VTCN1: variants seen among roughly 807,000 people sequenced by gnomAD.
VTCN1 encodes the protein V-set domain-containing T-cell activation inhibitor 1.
A neutral mutation model predicts 26.5 loss-of-function variants in VTCN1; 26 were observed. That is an observed-to-expected ratio of 0.98 (90% confidence interval 0.72 to 1.36). VTCN1 has a LOEUF of 1.36. VTCN1 is among the 40% of genes most tolerant of loss of function. The pLI is 0.00. For synonymous variants in VTCN1, 116 were observed against 130.7 expected (o/e 0.89, Z 0.77); for missense variants, 298 against 337.7 (o/e 0.88, Z 0.92).
intron 1 of VTCN1, among the ~76,000 whole-genome samples, chr1:117,207,027 G>A (rs1380104973): frequency 6.6e-6 from 1 of 152,112 alleles, no homozygotes; most frequent in African/African-American, 2.4e-5. Context: ...CTCAGCCCAG[G>A]CTCAAGCAAG....
intron 1 of VTCN1, among the ~76,000 whole-genome samples, chr1:117,190,631 A>G (rs1331497373): frequency 6.6e-6 from 1 of 152,182 alleles, no homozygotes; most frequent in Non-Finnish European, 1.5e-5. Context: ...CAGGATCCAT[A>G]TCTGCCCAAG....
chr1:117,201,625 C>T (rs1460273368), intron 1 of VTCN1, among the ~76,000 whole-genome samples: 1 of 152,142 alleles, frequency 6.6e-6, no homozygotes, highest in East Asian at 1.9e-4. Context: ...GAGATATAGC[C>T]CCTTTATGGG....
At position 117,146,947 on chromosome 1, in the gene VTCN1, G is replaced by C. The variant is rs1651543133; in HGVS notation, c.*45+666C>G. Among the ~76,000 whole-genome samples the C allele has an allele frequency of 6.6e-6, 1 of 152,186 alleles. No individual in the cohort carries two copies. The highest frequency in any genetic ancestry group is 2.1e-4 in the South Asian group (1 of 4,834). ...TCTGAGAGGCAACACAGGGGAAAAT[G>C]TGATAGGTAGGGGTTGATAAGAAAT... On this transcript the variant is annotated intron_variant, in intron 5 of 5. Coordinates refer to ENST00000369458, the MANE Select transcript of VTCN1 (RefSeq NM_024626.4). This position sits in a 1 kb window ranked among gnomAD's most constrained non-coding sequence, Gnocchi z 4.2.
chr1:117,173,002 C>G (rs1380752592), intron 1 of VTCN1, among the ~76,000 whole-genome samples: 1 of 152,186 alleles, frequency 6.6e-6, no homozygotes, highest in African/African-American at 2.4e-5. Context: ...TTCTTTCGCT[C>G]TTCACAGTAA....
chr1:117,188,727 C>T (rs941265397), intron 1 of VTCN1, among the ~76,000 whole-genome samples: 1 of 152,156 alleles, frequency 6.6e-6, no homozygotes, highest in African/African-American at 2.4e-5. Flanking sequence ...CACAGCCCAG[C>T]TGCATGGCAG....
chr1:117,162,000 C>T lies in VTCN1; in HGVS notation c.98-5079G>A, dbSNP rs1426575872. Among the ~76,000 whole-genome samples the T allele has an allele frequency of 6.6e-6, 1 of 152,144 alleles. No homozygotes were observed. Among genetic ancestry groups the T allele is most frequent in the Non-Finnish European group, 1.5e-5 (1 of 68,018 alleles). On this transcript the variant is annotated intron_variant, in intron 2 of 5. Transcript: ENST00000369458. This position sits in a 1 kb window ranked among gnomAD's most constrained non-coding sequence, Gnocchi z 4.3. ...TTTTAATATGTTGGCCTTGAGCTCA[C>T]AGTTAGGGAATCCGTTGAAATATCT...
chr1:117,196,058 G>C (rs1648492377), intron 1 of VTCN1, among the ~76,000 whole-genome samples: 1 of 152,186 alleles, frequency 6.6e-6, no homozygotes, highest in East Asian at 1.9e-4. Context: ...AGGGTGAAGT[G>C]GGAGGATCAC....
At chr1:117,205,608 T>C (rs773949299) in intron 1 of VTCN1, among the ~76,000 whole-genome samples, 2 of 152,198 alleles carry the variant, frequency 1.3e-5, no homozygotes, top group African/African-American at 4.8e-5. Context: ...TAAGAATTCT[T>C]CTGCCATGAC....
chr1:117,180,433 T>C (rs371787769), intron 1 of VTCN1, among the ~76,000 whole-genome samples: 5 of 152,128 alleles, frequency 3.3e-5, no homozygotes, highest in African/African-American at 1.2e-4. Flanking sequence ...TGTTTCCTGC[T>C]CCTCCTTATT....
chr1:117,185,753 T>C (rs903001024), intron 1 of VTCN1, among the ~76,000 whole-genome samples: 7 of 152,046 alleles, frequency 4.6e-5, no homozygotes, highest in Non-Finnish European at 1.0e-4. Flanking sequence ...TAGAAATTCC[T>C]TTCTATTGAT....
Position 117,147,602 on chromosome 1 carries a change from A to G in VTCN1, c.*45+11T>C, listed in dbSNP as rs951992402. ...GAACCAATATCCCACACTATTTGTG[A>G]TTAATCTCACCTGTTGTAACAATGA... On this transcript the variant is annotated intron_variant, in intron 5 of 5. Transcript: ENST00000369458. The surrounding 1 kb of genome is among the most constrained non-coding windows in gnomAD (Gnocchi z 4.6). 7.5e-6 allele frequency: 12 copies of G among 1,599,086 alleles called. No homozygotes were observed. In the African/African-American group the frequency reaches 1.2e-4, roughly 16 times the overall value.
chr1:117,146,016 C>A lies in VTCN1; in HGVS notation c.*46-791G>T, dbSNP rs1046400577. Among the ~76,000 whole-genome samples the A allele has an allele frequency of 6.6e-6, 1 of 152,160 alleles. No individual in the cohort carries two copies. Among genetic ancestry groups the A allele is most frequent in the Non-Finnish European group, 1.5e-5 (1 of 68,032 alleles). Reference sequence around the variant, plus strand: ...GGAGAAAGAGGTGGACTGCAGCTAACTGGGTAATTGTATATAAGCCTACGT... The same window carrying A: ...GGAGAAAGAGGTGGACTGCAGCTAAATGGGTAATTGTATATAAGCCTACGT... On this transcript the variant is annotated intron_variant, in intron 5 of 5. Transcript: ENST00000369458. This position sits in a 1 kb window ranked among gnomAD's most constrained non-coding sequence, Gnocchi z 4.2.
At chr1:117,186,274 T>C (rs1412411756) in intron 1 of VTCN1, among the ~76,000 whole-genome samples, 5 of 152,228 alleles carry the variant, frequency 3.3e-5, no homozygotes, top group African/African-American at 2.4e-5. Flanking sequence ...TAGCTGAAAT[T>C]AGAACAATCG....
At chr1:117,181,253 C>G (rs367652152) in intron 1 of VTCN1, among the ~76,000 whole-genome samples, 14 of 126,930 alleles carry the variant, frequency 1.1e-4, no homozygotes, top group African/African-American at 4.5e-4. Flanking sequence ...CCTGTCTTTA[C>G]AAAAAAAAAA....
chr1:117,157,432 A>AC (rs1487281433), intron 2 of VTCN1, among the ~76,000 whole-genome samples: 1 of 152,174 alleles, frequency 6.6e-6, no homozygotes, highest in Non-Finnish European at 1.5e-5. Flanking sequence ...GGCAAAAGGC[A>AC]CTTCTTACAT....
rs373152494 is a variant in VTCN1, at chr1:117,182,868, C to T, written c.33-12697G>A. Among the ~76,000 whole-genome samples the T allele has an allele frequency of 1.4e-4, 21 of 152,220 alleles. No individual in the cohort carries two copies. The South Asian group carries it at 4.4e-3, about 32-fold the overall frequency. ...CCAACCTGATGCTATGTGCTGTGTC[C>T]TGTACCTACCCCACCTTTGGTTGCC... On this transcript the variant is annotated intron_variant, in intron 1 of 5. Transcript: ENST00000369458.
intron 1 of VTCN1, among the ~76,000 whole-genome samples, chr1:117,204,752 G>A (rs1050798744): frequency 6.6e-6 from 1 of 151,952 alleles, no homozygotes; most frequent in African/African-American, 2.4e-5. Flanking sequence ...TGTAGTCCCA[G>A]CTACTCAGGA....
intron 1 of VTCN1, among the ~76,000 whole-genome samples, chr1:117,170,696 T>C (rs1039044346): frequency 2.0e-5 from 3 of 152,190 alleles, no homozygotes; most frequent in African/African-American, 7.2e-5. Flanking sequence ...GAGTCTGTTT[T>C]CTTTTATTAA....
At position 117,159,658 on chromosome 1, in the gene VTCN1, C is replaced by T. The variant is rs151083376; in HGVS notation, c.98-2737G>A. Among the ~76,000 whole-genome samples the T allele has an allele frequency of 2.2e-4, 34 of 152,318 alleles. No individual in the cohort carries two copies. Among genetic ancestry groups the T allele is most frequent in the Middle Eastern group, 6.8e-3 (2 of 294 alleles). ...ATAAGGTATTGTTATTCTCAGTTAA[C>T]CAGAAGTAGCACAGAAGTGAAATCT... On this transcript the variant is annotated intron_variant, in intron 2 of 5. Coordinates refer to ENST00000369458, the MANE Select transcript of VTCN1 (RefSeq NM_024626.4). The surrounding 1 kb of genome is among the most constrained non-coding windows in gnomAD (Gnocchi z 4.7).
Sources: gnomAD v4.1 joint callset for allele counts (sites outside exome capture counted in the v4.1 genomes callset) on GRCh38, gnomAD v4.1.1 for gene constraint, Gnocchi (gnomAD v3.1) non-coding constraint, MANE v1.5 for transcripts, NCBI Gene and HGNC (gene_info 2026-07-23, HGNC 2026-07-21) for gene names.